PREX1: variants seen among roughly 807,000 people sequenced by gnomAD.
PREX1 encodes the protein phosphatidylinositol-3,4,5-trisphosphate dependent Rac exchange factor 1, also known as phosphatidylinositol 3,4,5-trisphosphate-dependent Rac exchanger 1 protein.
A neutral mutation model predicts 198.3 loss-of-function variants in PREX1; 41 were observed. The observed-to-expected ratio is 0.21, with a 90% CI of 0.16 to 0.27. PREX1 has a LOEUF of 0.27. Among genes scored for constraint, PREX1 ranks in the 10% least tolerant of loss-of-function variants. The pLI, the probability that PREX1 is intolerant of heterozygous loss-of-function variation, is 1.00. For synonymous variants in PREX1, 843 were observed against 887.2 expected (o/e 0.95, Z 0.89); for missense variants, 1,620 against 2,200.7 (o/e 0.74, Z 5.28).
Position 48,715,706 on chromosome 20 carries a change from T to C in PREX1, c.622-7285A>G, listed in dbSNP as rs373741067. 2.0e-5 allele frequency among the ~76,000 whole-genome samples: 3 copies of C among 152,234 alleles called. No homozygotes were observed. In the East Asian group the frequency reaches 5.8e-4, roughly 29 times the overall value. On this transcript the variant is annotated intron_variant, in intron 5 of 39. Transcript: ENST00000371941. ...ATCGTCATTATGTCTGTGGTAATAG[T>C]GGCTATTTCTTATGATTTCTGCATA...
chr20:48,628,286 A>C (rs2089288769), intron 37 of PREX1, among the ~76,000 whole-genome samples: 1 of 151,674 alleles, frequency 6.6e-6, no homozygotes, highest in Admixed American at 6.6e-5. Context: ...TGAGTGGGGG[A>C]CTCCCTGGGA....
At chr20:48,787,253 C>T (rs2090317306) in intron 1 of PREX1, among the ~76,000 whole-genome samples, 1 of 152,126 alleles carries the variant, frequency 6.6e-6, no homozygotes, top group African/African-American at 2.4e-5. Context: ...CTCGTGTCTG[C>T]TTCCCCCGAT....
rs371288999 is a variant in PREX1 at position 48,821,465 on chromosome 20, T to C, written c.219+6177A>G. Among the ~76,000 whole-genome samples the C allele has an allele frequency of 1.9e-3, 285 of 152,232 alleles. 1 individual carries two copies. The highest frequency in any genetic ancestry group is 2.5e-3 in the Non-Finnish European group (169 of 68,012). ...AGGAATCAGCTCCGACCTGGCCCCA[T>C]GTCTGGGGAATGATGCTGTGGGACA... On this transcript the variant is annotated intron_variant, in intron 1 of 39. Coordinates refer to ENST00000371941, the MANE Select transcript of PREX1 (RefSeq NM_020820.4).
chr20:48,651,253 A>G, intron 22 of PREX1, 143 bp downstream of exon 22: 14 of 1,334,380 alleles, frequency 1.0e-5, no homozygotes, highest in Non-Finnish European at 1.4e-5. Context: ...GTGGTGGGAC[A>G]AGGACCAGAA....
chr20:48,690,773 G>A (rs905199289), intron 9 of PREX1, among the ~76,000 whole-genome samples, 174 bp downstream of exon 9: 1 of 152,106 alleles, frequency 6.6e-6, no homozygotes, highest in Non-Finnish European at 1.5e-5. Context: ...AATCTCTGAG[G>A]TACCACCAAG....
chr20:48,639,079 C>T (rs577506905), intron 30 of PREX1, among the ~76,000 whole-genome samples: 3 of 152,352 alleles, frequency 2.0e-5, no homozygotes, highest in African/African-American at 7.2e-5. Context: ...ACGCAGGAGT[C>T]TCAGACGCAA....
chr20:48,661,468 T>TATATATATATATATACAC (rs1373152651), intron 15 of PREX1, among the ~76,000 whole-genome samples: 9 of 76,796 alleles, frequency 1.2e-4, no homozygotes, highest in African/African-American at 8.0e-4. Context: ...TATATATATA[T>TATATATATATATATACAC]ACACACACAT....
rs73911625 is a variant in PREX1, at chr20:48,674,811, G to C, written c.1665+1382C>G. Among the ~76,000 whole-genome samples the C allele has an allele frequency of 3.0e-3, 456 of 152,304 alleles. 4 individuals are homozygous for C. The highest frequency in any genetic ancestry group is 0.011 in the African/African-American group (438 of 41,560). On this transcript the variant is annotated intron_variant, in intron 14 of 39. Transcript: ENST00000371941. ...GCACCTGAATGGAGCAAACACCTTC[G>C]GGATATTGCACCAAAACTGATGCAT...
the PREX1 span, among the ~76,000 whole-genome samples, chr20:48,836,830 G>A: frequency 6.9e-6 from 1 of 144,616 alleles, no homozygotes; most frequent in African/African-American, 2.6e-5. Flanking sequence ...CAGGAAAATC[G>A]CTTGAACCCA....
At chr20:48,833,134 A>C in the PREX1 span, among the ~76,000 whole-genome samples, 1 of 152,220 alleles carries the variant, frequency 6.6e-6, no homozygotes, top group African/African-American at 2.4e-5. Flanking sequence ...GTTGTTGTGC[A>C]GGTTAAAATA....
the PREX1 span, among the ~76,000 whole-genome samples, chr20:48,837,523 C>T: frequency 1.3e-5 from 2 of 152,166 alleles, no homozygotes; most frequent in African/African-American, 2.4e-5. Context: ...TTGGCAGGAA[C>T]GTGGACGGAG....
rs1157762922 is a variant in PREX1, at chr20:48,658,245, G to C, written c.1882-17C>G. ...GGGCAGGATCTGGGGGCCCAGGGCA[G>C]AAGGAACCCGGTCAGGGAGCGAGGT... On this transcript the variant is annotated splice_polypyrimidine_tract_variant and intron_variant, in intron 16 of 39. Transcript: ENST00000371941. The C allele has an allele frequency of 6.2e-7, 1 of 1,612,992 alleles. No individual in the cohort carries two copies. The highest frequency in any genetic ancestry group is 1.1e-5 in the South Asian group (1 of 90,996).
chr20:48,827,022 G>A lies in PREX1; in HGVS notation c.219+620C>T, dbSNP rs1190242107. Among the ~76,000 whole-genome samples the A allele has an allele frequency of 6.6e-6, 1 of 152,192 alleles. No individual in the cohort carries two copies. Among genetic ancestry groups the A allele is most frequent in the Non-Finnish European group, 1.5e-5 (1 of 68,028 alleles). ...AGTCTGAGGCCGTGGTTTTGCACTT[G>A]GAGATGGGGAGTTGGTGGGGGTGGA... On this transcript the variant is annotated intron_variant, in intron 1 of 39. Transcript: ENST00000371941. The surrounding 1 kb of genome is among the most constrained non-coding windows in gnomAD (Gnocchi z 4.1).
At chr20:48,739,283 C>G (rs547736090) in intron 3 of PREX1, among the ~76,000 whole-genome samples, 1 of 152,330 alleles carries the variant, frequency 6.6e-6, no homozygotes, top group African/African-American at 2.4e-5. Context: ...CTCAGAAAGG[C>G]CATCCCACCC....
In PREX1 at chr20:48,691,386, G is replaced by A. The variant is rs899166799; in HGVS notation, c.1037-290C>T. On this transcript the variant is annotated intron_variant, in intron 8 of 39. Coordinates refer to ENST00000371941, the MANE Select transcript of PREX1 (RefSeq NM_020820.4). This position sits in a 1 kb window ranked among gnomAD's most constrained non-coding sequence, Gnocchi z 5.0. Reference sequence around the variant, plus strand: ...TGACTCATGGGGAGACACTTGCTTGGAGCCCCAAAATGCTTCCTGGGCTCC... The same window carrying A: ...TGACTCATGGGGAGACACTTGCTTGAAGCCCCAAAATGCTTCCTGGGCTCC... 6.6e-6 allele frequency among the ~76,000 whole-genome samples: 1 copy of A among 152,150 alleles called. No homozygotes were observed. The highest frequency in any genetic ancestry group is 2.4e-5 in the African/African-American group (1 of 41,416).
At chr20:48,736,519 AC>A (rs1251726683) in intron 3 of PREX1, among the ~76,000 whole-genome samples, 7 of 151,976 alleles carry the variant, frequency 4.6e-5, no homozygotes, top group Admixed American at 3.3e-4. Context: ...GGACCCCAGC[AC>A]CCCCAACACT....
At chr20:48,664,926 C>T (rs1327193214) in intron 15 of PREX1, among the ~76,000 whole-genome samples, 1 of 150,524 alleles carries the variant, frequency 6.6e-6, no homozygotes, top group Non-Finnish European at 1.5e-5. Flanking sequence ...AATTCTAATC[C>T]CGACTCCAGA....
At chr20:48,877,781 C>CTCAGAACAAAAGCCCAAGTTCT in the PREX1 span, among the ~76,000 whole-genome samples, 1 of 152,244 alleles carries the variant, frequency 6.6e-6, no homozygotes, top group Non-Finnish European at 1.5e-5. Flanking sequence ...AAGCTCCTCA[C>CTCAGAACAAAAGCCCAAGTTCT]TCAGAACAAA....
At chr20:48,828,610 C>A (rs1354290408), upstream of PREX1, among the ~76,000 whole-genome samples, 1 of 152,112 alleles carries the variant, frequency 6.6e-6, no homozygotes, top group African/African-American at 2.4e-5. Flanking sequence ...GGTGCTACCA[C>A]GACCTTGGGA....
Sources: allele counts gnomAD v4.1 joint callset (sites outside exome capture counted in the v4.1 genomes callset), GRCh38; gene constraint gnomAD v4.1.1; non-coding constraint Gnocchi (gnomAD v3.1); transcripts MANE v1.5; gene names NCBI Gene and HGNC (gene_info 2026-07-23, HGNC 2026-07-21).